PISD: variants seen among roughly 807,000 people sequenced by gnomAD.
PISD encodes the protein phosphatidylserine decarboxylase.
Under a neutral mutation model 43.5 loss-of-function variants are expected in PISD, and 31 were observed. The observed-to-expected ratio is 0.71, with a 90% CI of 0.54 to 0.96. PISD has a LOEUF of 0.96. Among genes scored for constraint, PISD ranks in the 40% least tolerant of loss-of-function variants. The pLI is 0.00. For missense variants in PISD, 523 were observed against 548.4 expected (o/e 0.95, Z 0.46); for synonymous variants, 259 against 228.7 (o/e 1.13, Z -1.20).
intron 3 of PISD, among the ~76,000 whole-genome samples, chr22:31,622,741 C>G (rs1055135015): frequency 9.2e-5 from 14 of 152,216 alleles, no homozygotes; most frequent in Non-Finnish European, 1.6e-4. Flanking sequence ...GGGACAAGCA[C>G]TGGGTCCCAC....
chr22:31,656,940 G>T (rs1342054946), intron 1 of PISD, among the ~76,000 whole-genome samples: 1 of 151,946 alleles, frequency 6.6e-6, no homozygotes, highest in African/African-American at 2.4e-5. Flanking sequence ...CCCAAGAGTT[G>T]GCCCTCTTGA....
Position 31,630,931 on chromosome 22 carries a change from G to C in PISD, c.322-9046C>G. 1.1e-6 allele frequency: 1 copy of C among 901,072 alleles called. No homozygotes were observed. The highest frequency in any genetic ancestry group is 1.8e-5 in the African/African-American group (1 of 55,776). 55.8% of individuals were successfully genotyped at this position (901,072 alleles called of 1,614,324 possible). On this transcript the variant is annotated intron_variant, in intron 3 of 7. Coordinates refer to ENST00000439502, the MANE Select transcript of PISD (RefSeq NM_001326411.2). The surrounding 1 kb of genome is among the most constrained non-coding windows in gnomAD (Gnocchi z 4.4). ...CTACCAGGGGCGGGGGCAGGAGGCC[G>C]ACCCCAGCCACCCTTAAAGCTGCCG...
chr22:31,622,570 G>A (rs983183571), intron 3 of PISD, among the ~76,000 whole-genome samples: 1 of 151,916 alleles, frequency 6.6e-6, no homozygotes. Context: ...TTGGCCCCAC[G>A]GCAGGACTTG....
intron 3 of PISD, among the ~76,000 whole-genome samples, chr22:31,633,322 T>G (rs112019579): frequency 2.6e-5 from 4 of 152,190 alleles, no homozygotes; most frequent in Non-Finnish European, 5.9e-5. Flanking sequence ...ATCTCTGGGA[T>G]TCTCACACTC....
rs768069104 is a variant in PISD, at chr22:31,619,637, A to G, written c.1205T>C (p.Phe402Ser). 6.2e-7 allele frequency: 1 copy of G among 1,614,170 alleles called. No individual in the cohort carries two copies. Among genetic ancestry groups the G allele is most frequent in the Non-Finnish European group, 8.5e-7 (1 of 1,180,000 alleles). ...CTAGAGCGAGCCCAGGGCTTCCCCA[A>G]AGCGGATTTTCTGTCCTGTTTTCAG... ...FQLKTGQKIRFGEALGSL is the reference protein window; with the variant it reads ...FQLKTGQKIRSGEALGSL The change falls in exon 8 of 8, where the codon TTT (phenylalanine) becomes TCT (serine). Residue 402 changes from phenylalanine to serine, a missense_variant. Phe to Ser is a radical substitution (Grantham distance 155, BLOSUM62 -2). Coordinates refer to ENST00000439502, the MANE Select transcript of PISD (RefSeq NM_001326411.2).
chr22:31,640,560 T>TCAA (rs1212226096), intron 3 of PISD, among the ~76,000 whole-genome samples: 10 of 147,458 alleles, frequency 6.8e-5, no homozygotes, highest in Non-Finnish European at 1.0e-4. Context: ...ACATCCTTTT[T>TCAA]GTTTCGGTTT....
chr22:31,629,160 G>A, intron 3 of PISD: 1 of 985,342 alleles, frequency 1.0e-6, no homozygotes, highest in Non-Finnish European at 1.2e-6. Context: ...CATTCCAACT[G>A]AAGTCGATGA....
intron 3 of PISD, among the ~76,000 whole-genome samples, chr22:31,641,095 C>T (rs1012796031): frequency 3.3e-5 from 5 of 149,772 alleles, no homozygotes; most frequent in African/African-American, 9.8e-5. Flanking sequence ...CCATGTTGGT[C>T]GGGCTGGTCT....
chr22:31,652,197 T>C (rs1325282484), intron 1 of PISD, among the ~76,000 whole-genome samples: 2 of 152,038 alleles, frequency 1.3e-5, no homozygotes, highest in African/African-American at 2.4e-5. Flanking sequence ...CTGGAGCGGA[T>C]TTTGGCTCAC....
Position 31,620,729 on chromosome 22 carries a change from A to G in PISD, c.845-16T>C, listed in dbSNP as rs773407493. 1 of 1,613,960 alleles carries G rather than the reference A, an allele frequency of 6.2e-7. No individual in the cohort carries two copies. The highest frequency in any genetic ancestry group is 8.5e-7 in the Non-Finnish European group (1 of 1,179,898). Reference sequence around the variant, plus strand: ...ATCAGGGAGCCTGCAGAGGCAGGGAATGCCGCTACTCCCCGTCCAGAGCCC... The same window carrying G: ...ATCAGGGAGCCTGCAGAGGCAGGGAGTGCCGCTACTCCCCGTCCAGAGCCC... On this transcript the variant is annotated splice_polypyrimidine_tract_variant and intron_variant, in intron 6 of 7. Transcript: ENST00000439502.
chr22:31,662,248 C>T (rs371484758), upstream of PISD: 118 of 1,587,138 alleles, frequency 7.4e-5, no homozygotes, highest in Admixed American at 1.5e-4. Flanking sequence ...CCCCTTCACA[C>T]GCTGGGCGCA....
chr22:31,626,110 C>G (rs1270480494), intron 3 of PISD: 1 of 1,235,262 alleles, frequency 8.1e-7, no homozygotes, highest in Non-Finnish European at 1.1e-6. Flanking sequence ...CTAAAGCCCA[C>G]TGTCCCCAGT....
At chr22:31,655,922 C>T (rs1417162694) in intron 1 of PISD, among the ~76,000 whole-genome samples, 4 of 152,114 alleles carry the variant, frequency 2.6e-5, no homozygotes, top group Admixed American at 1.3e-4. Flanking sequence ...CAGGCATGAG[C>T]CACTGCACCC....
chr22:31,646,109 CA>C (rs2073881250), intron 3 of PISD, among the ~76,000 whole-genome samples: 1 of 151,856 alleles, frequency 6.6e-6, no homozygotes. Context: ...CTTGAAAATC[CA>C]GGAGTGGCCG....
Position 31,621,431 on chromosome 22 carries a change from C to T in PISD, c.600G>A (p.Val200=). The T allele has an allele frequency of 6.2e-7, 1 of 1,614,168 alleles. No homozygotes were observed. Among genetic ancestry groups the T allele is most frequent in the South Asian group, 1.1e-5 (1 of 91,088 alleles). ...TTACCTGCTCCACCTCACAGTTCTTCACCTGCCCAAAGTTGAGGATCCTTC... is the reference window on the plus strand; with the variant it reads ...TTACCTGCTCCACCTCACAGTTCTTTACCTGCCCAAAGTTGAGGATCCTTC... ...SDGRILNFGQ[V]KNCEVEQVKG... The change falls in exon 5 of 8, where the codon GTG becomes GTA. Residue 200 remains valine (V), a synonymous_variant. Transcript: ENST00000439502.
At chr22:31,620,923 C>G (rs1173232886) in intron 6 of PISD, 73 bp downstream of exon 6, 1 of 1,505,770 alleles carries the variant, frequency 6.6e-7, no homozygotes, top group Non-Finnish European at 8.9e-7. Flanking sequence ...CCTGGTCCCC[C>G]AACACCAAGA....
At position 31,648,068 on chromosome 22, in the gene PISD, C is replaced by T. The variant is rs192695559; in HGVS notation, c.321+33G>A. 5.2e-5 allele frequency: 82 copies of T among 1,570,970 alleles called. No homozygotes were observed. The East Asian group carries it at 1.5e-3, about 29-fold the overall frequency. On this transcript the variant is annotated intron_variant, in intron 3 of 7. Coordinates refer to ENST00000439502, the MANE Select transcript of PISD (RefSeq NM_001326411.2). The stretch of plus-strand genomic sequence containing the variant: ...AAAGTGACAGACAAAGTTTGCTGGA[C>T]GAGAACCCAAGGCAGTTCCACCTCA...
At position 31,619,141 on chromosome 22, in the gene PISD, TGG is replaced by T. The variant is rs2072331569; in HGVS notation, c.*469_*470del. The stretch of plus-strand genomic sequence containing the variant: ...TGTCACGAAGGCTGTGTGGCTCTGC[TGG>T]GGGAGAGGCATCCACAGTCTGTGCC... On this transcript the variant is annotated 3_prime_UTR_variant, in exon 8 of 8. Coordinates refer to ENST00000439502, the MANE Select transcript of PISD (RefSeq NM_001326411.2). 3.9e-6 allele frequency: 1 copy of T among 256,884 alleles called. No individual in the cohort carries two copies. The highest frequency in any genetic ancestry group is 7.8e-6 in the Non-Finnish European group (1 of 128,716). The allele number at this position is 256,884 out of a possible 1,614,324, so 15.9% of individuals were successfully genotyped here.
chr22:31,655,524 G>A (rs1415859843), intron 1 of PISD, among the ~76,000 whole-genome samples: 3 of 152,136 alleles, frequency 2.0e-5, no homozygotes, highest in African/African-American at 7.2e-5. Flanking sequence ...TTGCCATCTG[G>A]CCTAGGCTGG....
Sources: allele counts gnomAD v4.1 joint callset (sites outside exome capture counted in the v4.1 genomes callset), GRCh38; gene constraint gnomAD v4.1.1; non-coding constraint Gnocchi (gnomAD v3.1); transcripts MANE v1.5; gene names NCBI Gene and HGNC (gene_info 2026-07-23, HGNC 2026-07-21).